The following PTGER3 variants were observed in gnomAD, a reference collection of about 807,000 sequenced individuals.
PTGER3 encodes the protein prostaglandin E receptor 3, also known as prostaglandin E2 receptor EP3 subtype.
PTGER3 carries 22 observed loss-of-function variants against 34.7 expected under a neutral mutation model. That is an observed-to-expected ratio of 0.63 (90% CI 0.45 to 0.91). The LOEUF (loss-of-function observed/expected upper bound fraction) is 0.91. Among genes scored for constraint, PTGER3 ranks in the 40% least tolerant of loss-of-function variants. The probability of loss-of-function intolerance (pLI) is 0.00; values close to 1 mark genes in which losing one functional copy is unlikely to be tolerated. For synonymous variants in PTGER3, 241 were observed against 230.1 expected, an observed-to-expected ratio of 1.05 and a Z score of -0.43; for missense variants, 468 against 519.4, an observed-to-expected ratio of 0.90 and a Z score of 0.96.
At chr1:70,970,650 G>A (rs1652980556), downstream of PTGER3, 1 of 170,406 alleles carries the variant, frequency 5.9e-6, no homozygotes, top group Non-Finnish European at 1.2e-5. Context: ...GTAAATATGT[G>A]GTGAATTAAG....
chr1:70,957,961 A>G lies in PTGER3; in HGVS notation c.1078-4172T>C, dbSNP rs192791709. 5.1e-4 allele frequency among the ~76,000 whole-genome samples: 78 copies of G among 152,230 alleles called. No homozygotes were observed. The East Asian group carries it at 0.013, about 25-fold the overall frequency. On this transcript the variant is annotated intron_variant, in intron 2 of 3. Coordinates refer to the PTGER3 transcript ENST00000356595. The stretch of plus-strand genomic sequence containing the variant: ...TCTTTCTGTGTCTAGCTTATTTCAC[A>G]TAATATAATGTCCTCCAGGTTCATC...
At chr1:71,007,843 C>A in intron 2 of PTGER3, 1 of 985,052 alleles carries the variant, frequency 1.0e-6, no homozygotes, top group Non-Finnish European at 1.2e-6. Flanking sequence ...TTAACAATAG[C>A]ATTGAAGAGA....
At chr1:70,893,330 A>T (rs1010819827) in intron 4 of PTGER3, among the ~76,000 whole-genome samples, 1 of 152,182 alleles carries the variant, frequency 6.6e-6, no homozygotes, top group Non-Finnish European at 1.5e-5. Flanking sequence ...CAATGCTTAG[A>T]TTTAATTCTA....
intron 2 of PTGER3, chr1:71,009,391 A>C (rs768988301): frequency 2.0e-6 from 2 of 979,852 alleles, no homozygotes; most frequent in Non-Finnish European, 2.4e-6. Context: ...AAACACTTAC[A>C]TTTACCTAAA....
At chr1:71,029,970 G>A (rs1259396374) in intron 1 of PTGER3, among the ~76,000 whole-genome samples, 4 of 148,198 alleles carry the variant, frequency 2.7e-5, no homozygotes, top group Non-Finnish European at 4.5e-5. Context: ...AACAAAATAA[G>A]TAAATAAATA....
At chr1:70,879,265 G>T (rs970421871) in intron 4 of PTGER3, among the ~76,000 whole-genome samples, 1 of 151,428 alleles carries the variant, frequency 6.6e-6, no homozygotes, top group Non-Finnish European at 1.5e-5. Context: ...GTTTTGTTTT[G>T]AGACAGAGTC....
At chr1:71,040,983 TAA>T (rs1660263780) in intron 1 of PTGER3, among the ~76,000 whole-genome samples, 1 of 152,152 alleles carries the variant, frequency 6.6e-6, no homozygotes, top group Non-Finnish European at 1.5e-5. Context: ...GTGCTCTGTG[TAA>T]AGAGAGCAGG....
downstream of PTGER3, among the ~76,000 whole-genome samples, chr1:70,949,652 A>G (rs924862675): frequency 2.0e-5 from 3 of 152,210 alleles, no homozygotes; most frequent in African/African-American, 4.8e-5. Context: ...TTAACTTGCC[A>G]AATGATTTTA....
Position 70,970,832 on chromosome 1 carries a change from C to G in PTGER3, c.*898G>C, listed in dbSNP as rs1653005420. The stretch of plus-strand genomic sequence containing the variant: ...TATTTTAATACAGACAAAATAGATT[C>G]TTTTATTTTATAAAAACGTAATAAA... On this transcript the variant is annotated 3_prime_UTR_variant, in exon 4 of 4. Transcript: ENST00000306666. 1.1e-6 allele frequency: 1 copy of G among 909,186 alleles called. No homozygotes were observed. Among genetic ancestry groups the G allele is most frequent in the Non-Finnish European group, 1.3e-6 (1 of 760,674 alleles). 56.3% of individuals were successfully genotyped at this position (909,186 alleles called of 1,614,324 possible). A position where few individuals can be genotyped will look rare whatever the true frequency, so the allele number is the denominator to read the frequency against.
At chr1:70,996,100 A>T (rs377521003) in intron 2 of PTGER3, among the ~76,000 whole-genome samples, 3 of 152,268 alleles carry the variant, frequency 2.0e-5, no homozygotes, top group African/African-American at 7.2e-5. Context: ...TTCCTTATTG[A>T]TGATGCTATA....
rs1572700819 is a variant in PTGER3 at position 70,938,238 on chromosome 1, G to T, written c.*23+15525C>A. 2.0e-5 allele frequency among the ~76,000 whole-genome samples: 3 copies of T among 152,192 alleles called. No homozygotes were observed. The East Asian group carries it at 5.8e-4, about 29-fold the overall frequency. On this transcript the variant is annotated intron_variant, in intron 4 of 4. Transcript: ENST00000370931. ...AATACATCAAATTCAGTGCCCAAGG[G>T]TCAATACCAAAACATCATACTTGAG...
At chr1:70,878,299 C>T (rs761327118) in intron 4 of PTGER3, among the ~76,000 whole-genome samples, 2 of 151,806 alleles carry the variant, frequency 1.3e-5, no homozygotes, top group South Asian at 2.1e-4. Context: ...TTTGTGTTTC[C>T]GTGGGATCAG....
At chr1:70,895,706 A>G (rs1047444738) in intron 4 of PTGER3, among the ~76,000 whole-genome samples, 1 of 152,252 alleles carries the variant, frequency 6.6e-6, no homozygotes, top group Admixed American at 6.5e-5. Flanking sequence ...AGAACAGGAA[A>G]GGAATTTGGT....
intron 2 of PTGER3, among the ~76,000 whole-genome samples, chr1:70,982,205 T>A (rs1654445095): frequency 6.6e-6 from 1 of 152,306 alleles, no homozygotes; most frequent in African/African-American, 2.4e-5. Flanking sequence ...AAGAGGGACT[T>A]TTTCTCCATG....
chr1:70,902,226 T>C (rs890240238), intron 4 of PTGER3, among the ~76,000 whole-genome samples: 4 of 152,202 alleles, frequency 2.6e-5, no homozygotes, highest in African/African-American at 9.6e-5. Flanking sequence ...CAGTAGAATT[T>C]ACACCACTGA....
At chr1:70,997,326 T>C (rs1235828981) in intron 2 of PTGER3, 1 of 152,170 alleles carries the variant, frequency 6.6e-6, no homozygotes, top group African/African-American at 2.4e-5. Flanking sequence ...TTCTCTTGGT[T>C]ATGAAACTTA....
chr1:71,044,795 G>T (rs1660615388), intron 1 of PTGER3, among the ~76,000 whole-genome samples: 1 of 152,074 alleles, frequency 6.6e-6, no homozygotes, highest in South Asian at 2.1e-4. Context: ...AACTGTATGG[G>T]TATTTTGTTC....
chr1:70,955,130 A>C (rs1572749511), intron 2 of PTGER3, among the ~76,000 whole-genome samples: 1 of 152,260 alleles, frequency 6.6e-6, no homozygotes, highest in South Asian at 2.1e-4. Flanking sequence ...GGAAATACAG[A>C]ATTTGTAGCC....
At position 70,963,505 on chromosome 1, in the gene PTGER3, T is replaced by C. The variant is rs111380878; in HGVS notation, c.1078-9716A>G. Among the ~76,000 whole-genome samples, 701 of 152,246 alleles carry C rather than the reference T, an allele frequency of 4.6e-3. 13 individuals are homozygous for C. The highest frequency in any genetic ancestry group is 0.016 in the African/African-American group (660 of 41,536). On this transcript the variant is annotated intron_variant, in intron 2 of 3. Coordinates refer to the PTGER3 transcript ENST00000356595. ...AAATCCAGGAAGAGGGGCCCAAACT[T>C]CAATTCCTGGCCTTTGTGTACCTGC...
Sources: allele counts gnomAD v4.1 joint callset (sites outside exome capture counted in the v4.1 genomes callset), GRCh38; gene constraint gnomAD v4.1.1; transcripts MANE v1.5; gene names NCBI Gene and HGNC (gene_info 2026-07-23, HGNC 2026-07-21).